BIRC6: variants seen among roughly 807,000 people sequenced by gnomAD.
The protein encoded by BIRC6 is dual E2 ubiquitin-conjugating enzyme/E3 ubiquitin-protein ligase BIRC6.
In BIRC6, 98 loss-of-function variants were observed where a neutral mutation model predicts 503.3. The ratio of observed to expected loss-of-function variants is 0.19; its 90% confidence interval spans 0.17 to 0.23. The LOEUF is 0.23. Ranked by LOEUF, BIRC6 falls within the 10% of genes least tolerant of loss-of-function variation. The pLI is 1.00. For missense variants in BIRC6, 5,360 were observed against 5,806.0 expected, an observed-to-expected ratio of 0.92 and a Z score of 2.50; for synonymous variants, 2,240 against 2,078.7, an observed-to-expected ratio of 1.08 and a Z score of -2.11.
chr2:32,616,885 G>A (rs1356110516), intron 73 of BIRC6, among the ~76,000 whole-genome samples: 3 of 150,632 alleles, frequency 2.0e-5, no homozygotes, highest in Non-Finnish European at 3.0e-5. Context: ...CAGGTGGATC[G>A]CTTGGACCAG....
intron 63 of BIRC6, among the ~76,000 whole-genome samples, chr2:32,546,236 A>G (rs187866717): frequency 6.6e-5 from 10 of 152,334 alleles, no homozygotes; most frequent in African/African-American, 2.4e-4. Context: ...TTCAAGAAAG[A>G]AAGAAAAAAA....
intron 65 of BIRC6, among the ~76,000 whole-genome samples, chr2:32,573,247 G>A (rs965677580): frequency 6.6e-6 from 1 of 152,098 alleles, no homozygotes; most frequent in African/African-American, 2.4e-5. Flanking sequence ...CACCCAGGCC[G>A]GAGTGCAGTA....
intron 4 of BIRC6, among the ~76,000 whole-genome samples, chr2:32,389,767 G>A (rs952400619): frequency 2.0e-5 from 3 of 152,160 alleles, no homozygotes; most frequent in African/African-American, 7.2e-5. Flanking sequence ...CACAATCTTG[G>A]CTCACTGCAA....
chr2:32,447,097 G>T (rs2046064417), intron 21 of BIRC6, among the ~76,000 whole-genome samples: 1 of 147,580 alleles, frequency 6.8e-6, no homozygotes, highest in Admixed American at 6.8e-5. Flanking sequence ...AGGATCCCAA[G>T]GCAGGAGAAT....
intron 71 of BIRC6, among the ~76,000 whole-genome samples, chr2:32,603,354 G>A (rs561525657): frequency 2.0e-4 from 30 of 152,152 alleles, no homozygotes; most frequent in African/African-American, 6.7e-4. Context: ...AGTGCCCACC[G>A]TTACCTGTGT....
intron 65 of BIRC6, among the ~76,000 whole-genome samples, chr2:32,566,940 C>T (rs2059574698): frequency 1.3e-5 from 2 of 152,110 alleles, no homozygotes; most frequent in African/African-American, 4.8e-5. Context: ...AATCAGTTTT[C>T]TGAGAATGAA....
In BIRC6 at chr2:32,618,871, T is replaced by G. The variant is rs1197848405; in HGVS notation, c.*967T>G. 6.6e-6 allele frequency: 1 copy of G among 152,560 alleles called. No individual in the cohort carries two copies. The highest frequency in any genetic ancestry group is 1.5e-5 in the Non-Finnish European group (1 of 68,022). The allele number at this position is 152,560 out of a possible 1,614,324, so 9.5% of individuals were successfully genotyped here. A position where few individuals can be genotyped will look rare whatever the true frequency, so the allele number is the denominator to read the frequency against. On this transcript the variant is annotated 3_prime_UTR_variant, in exon 74 of 74. Transcript: ENST00000421745. Reference sequence around the variant, plus strand: ...TCCTAGAGCCAAATAAATAAAGACTTAGGTGAATTAGTATGTCTTGTTTCT... The same window carrying G: ...TCCTAGAGCCAAATAAATAAAGACTGAGGTGAATTAGTATGTCTTGTTTCT...
rs1363556325 is a variant in BIRC6 at position 32,491,562 on chromosome 2, A to T, written c.8340+4A>T. 3 of 1,611,962 alleles carry T rather than the reference A, an allele frequency of 1.9e-6. No homozygotes were observed. The highest frequency in any genetic ancestry group is 4.5e-5 in the East Asian group (2 of 44,856). On this transcript the variant is annotated splice_donor_region_variant and intron_variant, in intron 44 of 73. Coordinates refer to ENST00000421745, the MANE Select transcript of BIRC6 (RefSeq NM_016252.4). ...AACAAATCAACACAGTCCACAGGTA[A>T]TATGATGTTTAGCCTGGCATATGCC...
chr2:32,466,689 GC>G (rs1200392296), intron 26 of BIRC6, among the ~76,000 whole-genome samples: 1 of 152,128 alleles, frequency 6.6e-6, no homozygotes, highest in Non-Finnish European at 1.5e-5. Flanking sequence ...CTAATATACT[GC>G]ATTTGCTGAT....
chr2:32,613,583 G>T (rs768122745), intron 73 of BIRC6, among the ~76,000 whole-genome samples: 1 of 152,006 alleles, frequency 6.6e-6, no homozygotes, highest in Non-Finnish European at 1.5e-5. Flanking sequence ...GTTTCACCAT[G>T]TTGGCCAGGC....
At chr2:32,547,627 G>A (rs948959420) in intron 63 of BIRC6, among the ~76,000 whole-genome samples, 11 of 152,010 alleles carry the variant, frequency 7.2e-5, no homozygotes, top group African/African-American at 2.7e-4. Flanking sequence ...GTTTTAAATG[G>A]TGCTGCTGTA....
intron 1 of BIRC6, among the ~76,000 whole-genome samples, chr2:32,366,892 G>A (rs1290963961): frequency 6.6e-6 from 1 of 152,106 alleles, no homozygotes; most frequent in African/African-American, 2.4e-5. Context: ...TGAAGCAGGA[G>A]TATCACTTGA....
intron 10 of BIRC6, among the ~76,000 whole-genome samples, chr2:32,418,319 G>A (rs1574068693): frequency 6.6e-6 from 1 of 152,092 alleles, no homozygotes. Context: ...ACCTGTGTTC[G>A]TTTAGTCATC....
At chr2:32,435,935 A>AT (rs2044646828) in intron 14 of BIRC6, 118 bp from the exon 15 acceptor site, 1 of 584,398 alleles carries the variant, frequency 1.7e-6, no homozygotes, top group African/African-American at 1.9e-5. Context: ...ATTTTAACAC[A>AT]TTCTAAGTAT....
chr2:32,615,826 G>T (rs1022815867), intron 73 of BIRC6, among the ~76,000 whole-genome samples: 1 of 151,940 alleles, frequency 6.6e-6, no homozygotes, highest in Non-Finnish European at 1.5e-5. Context: ...GTAGAGACGG[G>T]GTTTCACCAT....
In BIRC6 at chr2:32,443,512, T is replaced by C. The variant is rs750232593; in HGVS notation, c.4260T>C (p.Cys1420=). The change falls in exon 20 of 74, where the codon TGT becomes TGC. Residue 1420 remains cysteine (C), a synonymous_variant. Coordinates refer to ENST00000421745, the MANE Select transcript of BIRC6 (RefSeq NM_016252.4). ...TCAGTAATGGCAAATGTGACCCATG[T>C]CAACCAGCATTTGGACCTGTTCTGT... ...LCISNGKCDP[C]QPAFGPVLLK... The C allele has an allele frequency of 1.2e-6, 2 of 1,606,804 alleles. No homozygotes were observed. Among genetic ancestry groups the C allele is most frequent in the Admixed American group, 1.7e-5 (1 of 58,988 alleles).
At chr2:32,454,292 AG>A (rs1416882009) in intron 23 of BIRC6, among the ~76,000 whole-genome samples, 1 of 152,176 alleles carries the variant, frequency 6.6e-6, no homozygotes, top group Non-Finnish European at 1.5e-5. Flanking sequence ...GTTTTTGAGA[AG>A]GTTGAGATGA....
intron 66 of BIRC6, among the ~76,000 whole-genome samples, chr2:32,582,149 G>A (rs1031031419): frequency 1.3e-4 from 19 of 151,736 alleles, no homozygotes; most frequent in African/African-American, 3.9e-4. Context: ...GTGAGCCACC[G>A]CGCCCGGCCT....
At chr2:32,501,656 C>A in intron 46 of BIRC6, 57 bp from the exon 47 acceptor site, 1 of 1,450,842 alleles carries the variant, frequency 6.9e-7, no homozygotes, top group Non-Finnish European at 9.3e-7. Flanking sequence ...CAGGCATGAG[C>A]CACTGCGCCT....
Sources: allele counts gnomAD v4.1 joint callset (sites outside exome capture counted in the v4.1 genomes callset), GRCh38; gene constraint gnomAD v4.1.1; transcripts MANE v1.5; gene names NCBI Gene and HGNC (gene_info 2026-07-23, HGNC 2026-07-21).